The following ASGR2 variants were observed in gnomAD, a reference collection of about 807,000 sequenced individuals.
ASGR2 encodes the protein asialoglycoprotein receptor 2.
Under a neutral mutation model 32.3 loss-of-function variants are expected in ASGR2, and 34 were observed. That is an observed-to-expected ratio of 1.05 (90% CI 0.80 to 1.40). ASGR2 has a LOEUF of 1.40. ASGR2 is among the 40% of genes most tolerant of loss of function. ASGR2 has a pLI of 0.00. For missense variants in ASGR2, 385 were observed against 386.4 expected (o/e 1.00, Z 0.03); for synonymous variants, 143 against 150.0 (o/e 0.95, Z 0.34).
chr17:7,109,001 C>G, intron 2 of ASGR2, 113 bp from the exon 3 acceptor site: 1 of 931,006 alleles, frequency 1.1e-6, no homozygotes, highest in South Asian at 1.8e-5. Context: ...TGGTTGGGGC[C>G]ATGGGGGGGG....
At chr17:7,109,570 C>T (rs1336474879) in intron 2 of ASGR2, among the ~76,000 whole-genome samples, 1 of 151,546 alleles carries the variant, frequency 6.6e-6, no homozygotes, top group Non-Finnish European at 1.5e-5. Context: ...CTAGAAACCT[C>T]GTTCCACACT....
In ASGR2 at chr17:7,108,906, C is replaced by CA. The variant is rs1322305676; in HGVS notation, c.125-19dup. The CA allele has an allele frequency of 1.3e-6, 2 of 1,556,476 alleles. No homozygotes were observed. The highest frequency in any genetic ancestry group is 4.9e-5 in the East Asian group (2 of 41,208). On this transcript the variant is annotated intron_variant, in intron 2 of 8. Transcript: ENST00000691900. The surrounding 1 kb of genome is among the most constrained non-coding windows in gnomAD (Gnocchi z 4.9). ...AGGTGGCCCTGTGGGAGAGGGGCATCAGGAGCCGGCAGCCTGGGTGTGGGG... is the reference window on the plus strand; with the variant it reads ...AGGTGGCCCTGTGGGAGAGGGGCATCAAGGAGCCGGCAGCCTGGGTGTGGGG...
chr17:7,105,553 C>T (rs1913548242), intron 7 of ASGR2, among the ~76,000 whole-genome samples: 1 of 152,002 alleles, frequency 6.6e-6, no homozygotes, highest in Non-Finnish European at 1.5e-5. Context: ...GTGGTGTGCA[C>T]CTGTAGTCCC....
In ASGR2 at chr17:7,113,342, G is replaced by A. The variant is rs449128; in HGVS notation, c.124+775C>T. Reference sequence around the variant, plus strand: ...TACACACACTAACACACACACTCACGCAACACACTCACACACACAACATAC... The same window carrying A: ...TACACACACTAACACACACACTCACACAACACACTCACACACACAACATAC... On this transcript the variant is annotated intron_variant, in intron 2 of 8. Transcript: ENST00000691900. The surrounding 1 kb of genome is among the most constrained non-coding windows in gnomAD (Gnocchi z 5.1). Among the ~76,000 whole-genome samples, 7,829 of 140,846 alleles carry A rather than the reference G, an allele frequency of 0.056. 206 individuals are homozygous for A. The highest frequency in any genetic ancestry group is 0.062 in the African/African-American group (2,355 of 38,072). 92.4% of individuals were successfully genotyped at this position (140,846 alleles called of 152,430 possible).
At chr17:7,105,779 A>C (rs1471129208) in intron 7 of ASGR2, among the ~76,000 whole-genome samples, 4 of 143,958 alleles carry the variant, frequency 2.8e-5, no homozygotes, top group Non-Finnish European at 6.0e-5. Flanking sequence ...GCCAAGATTA[A>C]TTTAAATTAG....
rs1282999431 is a variant in ASGR2 at position 7,113,548 on chromosome 17, T to TACAC, written c.124+568_124+569insGTGT. Among the ~76,000 whole-genome samples, 2 of 93,162 alleles carry TACAC rather than the reference T, an allele frequency of 2.1e-5. No individual in the cohort carries two copies. Among genetic ancestry groups the TACAC allele is most frequent in the Admixed American group, 1.1e-4 (1 of 9,274 alleles). 61.1% of individuals were successfully genotyped at this position (93,162 alleles called of 152,430 possible). On this transcript the variant is annotated intron_variant, in intron 2 of 8. Coordinates refer to ENST00000691900, the MANE Select transcript of ASGR2 (RefSeq NM_001201352.2). The surrounding 1 kb of genome is among the most constrained non-coding windows in gnomAD (Gnocchi z 5.1). ...AACATACACACACTCATACACAACA[T>TACAC]ACATACACACAACATACACACAACA...
At position 7,101,691 on chromosome 17, in the gene ASGR2, C is replaced by G; in HGVS notation, c.805G>C (p.Gly269Arg). 1 of 1,614,256 alleles carries G rather than the reference C, an allele frequency of 6.2e-7. No homozygotes were observed. Among genetic ancestry groups the G allele is most frequent in the Non-Finnish European group, 8.5e-7 (1 of 1,180,054 alleles). Residue 269 changes from glycine (G) to arginine (R), a missense_variant, in exon 9 of 9, where the codon GGA becomes CGA. Transcript: ENST00000691900. ...TGGACTTCAACACAGTCTTCACTTCCACCCAGCTCGTGCCCGTGCCAATTA... is the reference window on the plus strand; with the variant it reads ...TGGACTTCAACACAGTCTTCACTTCGACCCAGCTCGTGCCCGTGCCAATTA... Reference protein sequence around the residue: ...PDNWHGHELGGSEDCVEVQPD... With the variant: ...PDNWHGHELGRSEDCVEVQPD...
intron 7 of ASGR2, 119 bp from the exon 8 acceptor site, chr17:7,102,315 G>A (rs1912961713): frequency 3.7e-6 from 3 of 808,830 alleles, no homozygotes; most frequent in South Asian, 3.0e-5. Flanking sequence ...TCAGGCTGAA[G>A]CACCAGCTCC....
rs577008032 is a variant in ASGR2, at chr17:7,111,933, C to T, written c.124+2184G>A. On this transcript the variant is annotated intron_variant, in intron 2 of 8. Coordinates refer to ENST00000691900, the MANE Select transcript of ASGR2 (RefSeq NM_001201352.2). ...TGCCACATGCCTATAGTCCCAGCTA[C>T]CTGGGAGGCTGAAGTGGAAGGATCG... Among the ~76,000 whole-genome samples the T allele has an allele frequency of 3.9e-4, 57 of 146,396 alleles. No individual in the cohort carries two copies. The South Asian group carries it at 5.5e-3, about 14-fold the overall frequency.
intron 7 of ASGR2, among the ~76,000 whole-genome samples, chr17:7,106,720 G>T (rs945371484): frequency 1.3e-5 from 2 of 151,996 alleles, no homozygotes; most frequent in Non-Finnish European, 2.9e-5. Context: ...TGGCTAAGAC[G>T]GTGAAACCCC....
intron 7 of ASGR2, among the ~76,000 whole-genome samples, chr17:7,104,803 T>A (rs1039023841): frequency 2.6e-5 from 4 of 151,774 alleles, no homozygotes; most frequent in Non-Finnish European, 5.9e-5. Flanking sequence ...GGTGAAACCC[T>A]GTCTCTACTA....
intron 2 of ASGR2, among the ~76,000 whole-genome samples, chr17:7,110,461 A>T (rs1567769327): frequency 6.6e-6 from 1 of 152,144 alleles, no homozygotes; most frequent in Non-Finnish European, 1.5e-5. Context: ...AGTCCGACTT[A>T]TCAACTCCCA....
At chr17:7,102,270 T>G in intron 7 of ASGR2, 74 bp from the exon 8 acceptor site, 5 of 1,292,048 alleles carry the variant, frequency 3.9e-6, no homozygotes, top group Non-Finnish European at 5.6e-6. Context: ...CATGGAACTG[T>G]GGCCCCTCTC....
At chr17:7,104,430 T>A (rs959023067) in intron 7 of ASGR2, among the ~76,000 whole-genome samples, 2 of 143,860 alleles carry the variant, frequency 1.4e-5, no homozygotes, top group African/African-American at 5.2e-5. Context: ...GGCGGGAGGA[T>A]CACCTGAGGT....
In ASGR2 at chr17:7,102,208, G is replaced by A; in HGVS notation, c.649-12C>T. The A allele has an allele frequency of 3.1e-6, 5 of 1,606,504 alleles. No individual in the cohort carries two copies. Among genetic ancestry groups the A allele is most frequent in the Non-Finnish European group, 4.3e-6 (5 of 1,173,156 alleles). On this transcript the variant is annotated splice_polypyrimidine_tract_variant and intron_variant, in intron 7 of 8. Transcript: ENST00000691900. ...TGTACAATGAATTTCTGGAAACACA[G>A]GCAAACAGGAAATTTCTAGTCTCTT...
chr17:7,108,900 G>A lies in ASGR2; in HGVS notation c.125-12C>T, dbSNP rs77646700. On this transcript the variant is annotated splice_polypyrimidine_tract_variant and intron_variant, in intron 2 of 8. Transcript: ENST00000691900. The surrounding 1 kb of genome is among the most constrained non-coding windows in gnomAD (Gnocchi z 4.9). ...GGCAGGAGGTGGCCCTGTGGGAGAGGGGCATCAGGAGCCGGCAGCCTGGGT... is the reference window on the plus strand; with the variant it reads ...GGCAGGAGGTGGCCCTGTGGGAGAGAGGCATCAGGAGCCGGCAGCCTGGGT... The A allele has an allele frequency of 4.6e-3, 7,275 of 1,564,784 alleles. 101 individuals carry two copies. The East Asian group carries it at 0.053, about 11-fold the overall frequency.
intron 2 of ASGR2, among the ~76,000 whole-genome samples, chr17:7,112,959 C>A (rs1914906829): frequency 6.6e-6 from 1 of 152,104 alleles, no homozygotes; most frequent in Non-Finnish European, 1.5e-5. Flanking sequence ...CTTTTCCCAC[C>A]AGCCTGGGCA....
At chr17:7,111,450 A>T (rs558650221) in intron 2 of ASGR2, among the ~76,000 whole-genome samples, 6 of 151,846 alleles carry the variant, frequency 4.0e-5, no homozygotes, top group Non-Finnish European at 7.4e-5. Flanking sequence ...AGGTCAGGAG[A>T]TCGACACCAT....
intron 7 of ASGR2, among the ~76,000 whole-genome samples, chr17:7,105,743 C>T (rs115497704): frequency 0.03 from 4,608 of 152,112 alleles, 232 homozygotes; most frequent in African/African-American, 0.1. Flanking sequence ...CCCTGTGCTG[C>T]CCCTCAGGGA....
Sources: gnomAD v4.1 joint callset for allele counts (sites outside exome capture counted in the v4.1 genomes callset) on GRCh38, gnomAD v4.1.1 for gene constraint, Gnocchi (gnomAD v3.1) non-coding constraint, MANE v1.5 for transcripts, NCBI Gene and HGNC (gene_info 2026-07-23, HGNC 2026-07-21) for gene names.